Variants in UBE3A observed in about 807,000 individuals in gnomAD.
UBE3A encodes ubiquitin protein ligase E3A.
UBE3A carries 6 observed loss-of-function variants against 83.4 expected under a neutral mutation model. That is an observed-to-expected ratio of 0.07 (90% CI 0.04 to 0.14). The LOEUF (loss-of-function observed/expected upper bound fraction) is 0.14, where lower values mean the gene tolerates loss of function less well. Among genes scored for constraint, UBE3A ranks in the 10% least tolerant of loss-of-function variants. The pLI is 1.00. For missense variants in UBE3A, 456 were observed against 1,036.1 expected (o/e 0.44, Z 7.69); for synonymous variants, 337 against 355.4 (o/e 0.95, Z 0.58).
At chr15:25,427,779 G>A (rs1891808324) in intron 1 of UBE3A, among the ~76,000 whole-genome samples, 2 of 132,638 alleles carry the variant, frequency 1.5e-5, no homozygotes, top group Non-Finnish European at 3.2e-5. Context: ...GGAAGAGAGG[G>A]AGACCCTGTC....
chr15:25,422,118 A>C (rs1890004983), intron 1 of UBE3A, among the ~76,000 whole-genome samples: 1 of 152,220 alleles, frequency 6.6e-6, no homozygotes, highest in Non-Finnish European at 1.5e-5. Flanking sequence ...AACAAACAAA[A>C]ATCTGTGACA....
At chr15:25,407,030 T>C in intron 3 of UBE3A, 1 of 1,315,040 alleles carries the variant, frequency 7.6e-7, no homozygotes, top group Non-Finnish European at 1.0e-6. Flanking sequence ...CTCCACCCTC[T>C]CCCCCAGGGA....
At chr15:25,384,323 T>G (rs1595949993) in intron 4 of UBE3A, among the ~76,000 whole-genome samples, 1 of 151,694 alleles carries the variant, frequency 6.6e-6, no homozygotes. Flanking sequence ...TAGCTGGGCT[T>G]GGTGGCGCGC....
intron 1 of UBE3A, among the ~76,000 whole-genome samples, chr15:25,426,397 A>T (rs1891330396): frequency 6.6e-6 from 1 of 152,212 alleles, no homozygotes; most frequent in Admixed American, 6.5e-5. Context: ...TTAGAGTTCA[A>T]ACTTCCATAG....
chr15:25,351,111 C>CAGTT (rs752153542), intron 11 of UBE3A, among the ~76,000 whole-genome samples: 4 of 152,078 alleles, frequency 2.6e-5, no homozygotes, highest in Non-Finnish European at 4.4e-5. Context: ...ATTCAGAGAG[C>CAGTT]AGTTAGGGAA....
chr15:25,363,901 A>G (rs1370148218), intron 6 of UBE3A, among the ~76,000 whole-genome samples: 1 of 152,036 alleles, frequency 6.6e-6, no homozygotes, highest in Non-Finnish European at 1.5e-5. Flanking sequence ...TGTACCACTT[A>G]AGAATAAAGG....
At chr15:25,390,066 T>C (rs908220339) in intron 4 of UBE3A, among the ~76,000 whole-genome samples, 2 of 152,316 alleles carry the variant, frequency 1.3e-5, no homozygotes, top group Middle Eastern at 3.4e-3. Context: ...TCATATGGCA[T>C]CAGAGAAACA....
rs550402004 is a variant in UBE3A, at chr15:25,379,303, T to G, written c.63-3540A>C. ...CTCACAAGTGTATGAGTTAGCACTA[T>G]AAACCTTCATTCTGCTGATGCTCAG... is the stretch of plus-strand genomic sequence containing the variant. On this transcript the variant is annotated intron_variant, in intron 4 of 12. Coordinates refer to ENST00000648336, the MANE Select transcript of UBE3A (RefSeq NM_130839.5). Among the ~76,000 whole-genome samples the G allele has an allele frequency of 3.3e-5, 5 of 152,338 alleles. No homozygotes were observed. The East Asian group carries it at 5.8e-4, about 18-fold the overall frequency.
chr15:25,350,643 A>G (rs1276949316), intron 11 of UBE3A, among the ~76,000 whole-genome samples: 1 of 152,188 alleles, frequency 6.6e-6, no homozygotes, highest in Non-Finnish European at 1.5e-5. Flanking sequence ...CAATAAGACT[A>G]CACAGCTTTA....
At position 25,438,840 on chromosome 15, in the gene UBE3A, G is replaced by A. The variant is rs2153196189; in HGVS notation, c.-516C>T. 1 of 152,952 alleles carries A rather than the reference G, an allele frequency of 6.5e-6. No homozygotes were observed. Among genetic ancestry groups the A allele is most frequent in the Non-Finnish European group, 1.5e-5 (1 of 68,604 alleles). 9.5% of individuals were successfully genotyped at this position (152,952 alleles called of 1,614,324 possible). Reference sequence around the variant, plus strand: ...CAGAGGTGAAGCGTAAGTAGGCGGCGGATGGCGGGCGCCCGCGCTGGCGGA... The same window carrying A: ...CAGAGGTGAAGCGTAAGTAGGCGGCAGATGGCGGGCGCCCGCGCTGGCGGA... On this transcript the variant is annotated 5_prime_UTR_variant, in exon 1 of 13. Transcript: ENST00000648336.
intron 1 of UBE3A, among the ~76,000 whole-genome samples, chr15:25,416,658 A>C (rs1266772573): frequency 6.8e-6 from 1 of 148,076 alleles, no homozygotes; most frequent in African/African-American, 2.6e-5. Flanking sequence ...AAAAAAAAAA[A>C]ACCTCATATG....
At chr15:25,414,938 C>T (rs1011451407) in intron 1 of UBE3A, among the ~76,000 whole-genome samples, 7 of 152,164 alleles carry the variant, frequency 4.6e-5, no homozygotes, top group Non-Finnish European at 7.4e-5. Context: ...ACTTCCAGTG[C>T]TTGCAAATGT....
At chr15:25,373,102 T>C (rs2080575032) in intron 5 of UBE3A, among the ~76,000 whole-genome samples, 1 of 152,196 alleles carries the variant, frequency 6.6e-6, no homozygotes, top group African/African-American at 2.4e-5. Context: ...ATTAAGAATA[T>C]ATAAGCATCT....
intron 4 of UBE3A, among the ~76,000 whole-genome samples, chr15:25,385,138 G>A (rs1178510612): frequency 6.6e-6 from 1 of 152,088 alleles, no homozygotes; most frequent in Non-Finnish European, 1.5e-5. Flanking sequence ...TTTCTACAAA[G>A]CAAACAGTAA....
chr15:25,375,881 G>C (rs2081119869), intron 4 of UBE3A, 118 bp from the exon 5 acceptor site: 3 of 1,145,528 alleles, frequency 2.6e-6, no homozygotes, highest in Non-Finnish European at 3.8e-6. Flanking sequence ...TGTGTATGAA[G>C]ATGAGAAGTA....
intron 1 of UBE3A, among the ~76,000 whole-genome samples, chr15:25,416,642 TA>T (rs34305718): frequency 0.035 from 3,832 of 109,252 alleles, 69 homozygotes; most frequent in African/African-American, 0.06. Flanking sequence ...TAAAACATTC[TA>T]AAAAAAAAAA....
intron 8 of UBE3A, 133 bp downstream of exon 8, chr15:25,356,558 A>G (rs754146331): frequency 3.5e-5 from 32 of 917,804 alleles, no homozygotes; most frequent in Middle Eastern, 6.8e-4. Context: ...GGTCAGATTA[A>G]AACATTTTTA....
intron 1 of UBE3A, among the ~76,000 whole-genome samples, chr15:25,426,634 A>G (rs11633072): frequency 0.62 from 94,365 of 152,082 alleles, 32,774 homozygotes; most frequent in Non-Finnish European, 0.78. Flanking sequence ...GTGACAAAAA[A>G]CCATTAGCTT....
At chr15:25,434,200 C>G (rs945627236) in intron 1 of UBE3A, among the ~76,000 whole-genome samples, 2 of 152,116 alleles carry the variant, frequency 1.3e-5, no homozygotes, top group African/African-American at 2.4e-5. Context: ...TAACTCAGAT[C>G]AAAGCACTAC....
Sources: allele counts gnomAD v4.1 joint callset (sites outside exome capture counted in the v4.1 genomes callset), GRCh38; gene constraint gnomAD v4.1.1; transcripts MANE v1.5; gene names NCBI Gene and HGNC (gene_info 2026-07-23, HGNC 2026-07-21).